Variants in PREX1 observed in about 807,000 individuals in gnomAD.
PREX1 encodes phosphatidylinositol 3,4,5-trisphosphate-dependent Rac exchanger 1 protein.
In PREX1, 41 loss-of-function variants were observed where a neutral mutation model predicts 198.3. The observed-to-expected ratio is 0.21, with a 90% confidence interval of 0.16 to 0.27. The LOEUF (loss-of-function observed/expected upper bound fraction) is 0.27. Ranked by LOEUF, PREX1 falls within the 10% of genes least tolerant of loss-of-function variation. PREX1 has a pLI of 1.00. For missense variants in PREX1, 1,620 were observed against 2,200.7 expected, an observed-to-expected ratio of 0.74 and a Z score of 5.28; for synonymous variants, 843 against 887.2, an observed-to-expected ratio of 0.95 and a Z score of 0.89.
chr20:48,653,580 T>C, intron 19 of PREX1, 83 bp from the exon 20 acceptor site: 1 of 1,526,866 alleles, frequency 6.5e-7, no homozygotes, highest in Non-Finnish European at 8.9e-7. Flanking sequence ...CACCCACCAC[T>C]GCAACCCCAG....
intron 15 of PREX1, among the ~76,000 whole-genome samples, chr20:48,661,468 T>C (rs77617059): frequency 0.14 from 10,497 of 76,692 alleles, 992 homozygotes; most frequent in Non-Finnish European, 0.17. Context: ...TATATATATA[T>C]ACACACACAT....
chr20:48,852,927 T>C, the PREX1 span, among the ~76,000 whole-genome samples: 1 of 152,074 alleles, frequency 6.6e-6, no homozygotes, highest in Non-Finnish European at 1.5e-5. Context: ...GAATAGTGAG[T>C]GGAGTGGGTA....
chr20:48,848,356 T>C, the PREX1 span, among the ~76,000 whole-genome samples: 4 of 151,646 alleles, frequency 2.6e-5, no homozygotes, highest in African/African-American at 9.7e-5. Flanking sequence ...TCAGGCTCAA[T>C]TGATCCTCCC....
intron 26 of PREX1, among the ~76,000 whole-genome samples, chr20:48,645,181 A>C (rs369398263): frequency 9.4e-4 from 143 of 152,322 alleles, no homozygotes; most frequent in African/African-American, 3.3e-3. Flanking sequence ...ACTGGGGGGA[A>C]GGTCTGCCTT....
intron 5 of PREX1, among the ~76,000 whole-genome samples, chr20:48,722,467 C>A (rs2089990615): frequency 6.6e-6 from 1 of 152,068 alleles, no homozygotes; most frequent in African/African-American, 2.4e-5. Flanking sequence ...GGAGGATGGA[C>A]AGTAAGTGTT....
intron 15 of PREX1, among the ~76,000 whole-genome samples, chr20:48,661,468 T>TATATATATATATATATATAC (rs1373152651): frequency 4.9e-4 from 38 of 76,772 alleles, no homozygotes; most frequent in African/African-American, 2.7e-3. Context: ...TATATATATA[T>TATATATATATATATATATAC]ACACACACAT....
chr20:48,681,343 G>A lies in PREX1; in HGVS notation c.1335-8C>T, dbSNP rs780407126. 3.1e-6 allele frequency: 5 copies of A among 1,613,582 alleles called. No homozygotes were observed. The highest frequency in any genetic ancestry group is 4.2e-6 in the Non-Finnish European group (5 of 1,179,512). On this transcript the variant is annotated splice_polypyrimidine_tract_variant and splice_region_variant and intron_variant, in intron 10 of 39. Transcript: ENST00000371941. Reference sequence around the variant, plus strand: ...AGCCAGGCAACGAACTCACTGCCAGGAACACAATATGTGGTTGAGAGGATT... The same window carrying A: ...AGCCAGGCAACGAACTCACTGCCAGAAACACAATATGTGGTTGAGAGGATT...
chr20:48,700,202 G>A (rs933785254), intron 7 of PREX1, among the ~76,000 whole-genome samples: 8 of 152,194 alleles, frequency 5.3e-5, no homozygotes, highest in African/African-American at 1.4e-4. Context: ...AAAGAGCTTC[G>A]CTCCTCTTGA....
chr20:48,690,736 C>T (rs1412645118), intron 9 of PREX1, among the ~76,000 whole-genome samples: 2 of 152,194 alleles, frequency 1.3e-5, no homozygotes, highest in Non-Finnish European at 2.9e-5. Context: ...TCTTTTGGGC[C>T]TCAGTTTCCC....
chr20:48,627,858 C>A lies in PREX1; in HGVS notation c.4869+3G>T. On this transcript the variant is annotated splice_donor_region_variant and intron_variant, in intron 38 of 39. Coordinates refer to ENST00000371941, the MANE Select transcript of PREX1 (RefSeq NM_020820.4). ...GGAGGACCCTGTGGCCAAGCGGCCT[C>A]ACCTGCTTCCGCATGATGTCCGTGG... The A allele has an allele frequency of 2.5e-6, 4 of 1,612,174 alleles. No individual in the cohort carries two copies. The highest frequency in any genetic ancestry group is 3.4e-6 in the Non-Finnish European group (4 of 1,179,592).
Position 48,654,194 on chromosome 20 carries a change from C to G in PREX1, c.2210-697G>C, listed in dbSNP as rs557768891. On this transcript the variant is annotated intron_variant, in intron 19 of 39. Coordinates refer to ENST00000371941, the MANE Select transcript of PREX1 (RefSeq NM_020820.4). ...GGCTTCCTCATCTGTGAAATGGGAA[C>G]GCTCATAATCCCTACGCTGAGGGTC... Among the ~76,000 whole-genome samples the G allele has an allele frequency of 6.6e-5, 10 of 152,340 alleles. No homozygotes were observed. The East Asian group carries it at 1.9e-3, about 29-fold the overall frequency.
At chr20:48,712,173 A>G (rs1031473726) in intron 5 of PREX1, among the ~76,000 whole-genome samples, 38 of 152,318 alleles carry the variant, frequency 2.5e-4, no homozygotes, top group African/African-American at 9.1e-4. Context: ...CTTGGCCATC[A>G]GTGAAATTAC....
chr20:48,744,088 T>C (rs1201099413), intron 3 of PREX1, among the ~76,000 whole-genome samples: 1 of 152,178 alleles, frequency 6.6e-6, no homozygotes, highest in African/African-American at 2.4e-5. Flanking sequence ...TTGGCACCAC[T>C]GACATTTGAG....
At chr20:48,803,524 G>A (rs1016345477) in intron 1 of PREX1, among the ~76,000 whole-genome samples, 5 of 152,096 alleles carry the variant, frequency 3.3e-5, no homozygotes, top group Non-Finnish European at 5.9e-5. Context: ...GGGAGAGGGA[G>A]GGCCACCTGT....
At chr20:48,805,300 C>G (rs2090406828) in intron 1 of PREX1, among the ~76,000 whole-genome samples, 1 of 152,230 alleles carries the variant, frequency 6.6e-6, no homozygotes, top group Admixed American at 6.5e-5. Context: ...AACTCATCAC[C>G]CAGATAAGAA....
intron 1 of PREX1, among the ~76,000 whole-genome samples, chr20:48,771,665 A>C (rs1343642446): frequency 6.6e-6 from 1 of 152,138 alleles, no homozygotes; most frequent in Non-Finnish European, 1.5e-5. Context: ...CAAAAGTTCA[A>C]GCCTTATCAG....
At chr20:48,800,739 C>T (rs968489143) in intron 1 of PREX1, among the ~76,000 whole-genome samples, 1 of 152,200 alleles carries the variant, frequency 6.6e-6, no homozygotes, top group Admixed American at 6.5e-5. Flanking sequence ...CACCATGGTA[C>T]ATACTGAACA....
chr20:48,716,282 G>A (rs906621207), intron 5 of PREX1, among the ~76,000 whole-genome samples: 28 of 152,326 alleles, frequency 1.8e-4, no homozygotes, highest in African/African-American at 6.5e-4. Context: ...GGGCTTCCGC[G>A]AGATGCCTCA....
intron 7 of PREX1, 36 bp downstream of exon 7, chr20:48,700,717 C>T (rs369015168): frequency 6.2e-7 from 1 of 1,609,780 alleles, no homozygotes; most frequent in South Asian, 1.1e-5. Flanking sequence ...GAGAAGGCAG[C>T]AGGCCAGACC....
Sources: gnomAD v4.1 joint callset for allele counts (sites outside exome capture counted in the v4.1 genomes callset) on GRCh38, gnomAD v4.1.1 for gene constraint, MANE v1.5 for transcripts, NCBI Gene and HGNC (gene_info 2026-07-23, HGNC 2026-07-21) for gene names.